The following THSD4 variants were observed in gnomAD, a reference collection of about 807,000 sequenced individuals.
THSD4 encodes thrombospondin type 1 domain containing 4.
In THSD4, 69 loss-of-function variants were observed where a neutral mutation model predicts 119.0. That is an observed-to-expected ratio of 0.58 (90% CI 0.48 to 0.71). THSD4 has a LOEUF of 0.71. Among genes scored for constraint, THSD4 ranks in the 30% least tolerant of loss-of-function variants. THSD4 has a pLI of 0.00. For synonymous variants in THSD4, 524 were observed against 540.4 expected (o/e 0.97, Z 0.42); for missense variants, 1,393 against 1,391.1 (o/e 1.00, Z -0.02).
chr15:71,262,592 G>T (rs1189701433), intron 6 of THSD4, among the ~76,000 whole-genome samples: 1 of 151,970 alleles, frequency 6.6e-6, no homozygotes, highest in East Asian at 1.9e-4. Flanking sequence ...AACTGCTAGG[G>T]GGCAGCTTTA....
intron 7 of THSD4, among the ~76,000 whole-genome samples, chr15:71,500,656 T>C (rs751020362): frequency 2.0e-5 from 3 of 152,236 alleles, no homozygotes; most frequent in Non-Finnish European, 4.4e-5. Context: ...TTTTTGTACA[T>C]AGTGTAAGGT....
chr15:71,512,179 C>T (rs752699600), intron 7 of THSD4, among the ~76,000 whole-genome samples: 1 of 152,080 alleles, frequency 6.6e-6, no homozygotes, highest in Admixed American at 6.6e-5. Context: ...GTGGAGGTTC[C>T]GATGATGTCT....
At chr15:71,366,143 G>A (rs1208093638) in intron 6 of THSD4, among the ~76,000 whole-genome samples, 2 of 151,954 alleles carry the variant, frequency 1.3e-5, no homozygotes, top group East Asian at 1.9e-4. Flanking sequence ...GCGTGATCTC[G>A]GCTCACTGCA....
chr15:71,649,256 A>C (rs1447167527), intron 7 of THSD4, among the ~76,000 whole-genome samples: 1 of 151,352 alleles, frequency 6.6e-6, no homozygotes, highest in Non-Finnish European at 1.5e-5. Flanking sequence ...ATTTAGCCAG[A>C]TCTCAGGGCT....
Position 71,757,955 on chromosome 15 carries a change from C to T in THSD4, c.2469C>T (p.Thr823=). 1 of 1,613,966 alleles carries T rather than the reference C, an allele frequency of 6.2e-7. No individual in the cohort carries two copies. Among genetic ancestry groups the T allele is most frequent in the Non-Finnish European group, 8.5e-7 (1 of 1,180,020 alleles). ...GVRTRSVVCM[T]NHVSSLPLEG... is the part of the protein sequence containing the mutation. ...GGACACGCTCGGTGGTGTGCATGAC[C>T]AACCATGTCAGCAGCCTGCCCCTGG... The change falls in exon 15 of 18, where the codon ACC becomes ACT. Residue 823 remains threonine, a synonymous_variant. Coordinates refer to ENST00000261862, the MANE Select transcript of THSD4 (RefSeq NM_024817.3).
intron 6 of THSD4, among the ~76,000 whole-genome samples, chr15:71,388,084 A>G (rs991805499): frequency 2.6e-5 from 4 of 152,266 alleles, no homozygotes; most frequent in Admixed American, 2.0e-4. Context: ...CACTCAGGAT[A>G]TCACACTTTC....
At position 71,688,993 on chromosome 15, in the gene THSD4, C is replaced by T. The variant is rs575849017; in HGVS notation, c.1357+28259C>T. Reference sequence around the variant, plus strand: ...CCATCCCGGCCCATGAGATAAAGCTCAGGAACGCCTTTTGTCCATCTTTGG... The same window carrying T: ...CCATCCCGGCCCATGAGATAAAGCTTAGGAACGCCTTTTGTCCATCTTTGG... On this transcript the variant is annotated intron_variant, in intron 8 of 17. Coordinates refer to ENST00000261862, the MANE Select transcript of THSD4 (RefSeq NM_024817.3). 2.6e-5 allele frequency among the ~76,000 whole-genome samples: 4 copies of T among 152,154 alleles called. No homozygotes were observed. The South Asian group carries it at 6.2e-4, about 24-fold the overall frequency.
At chr15:71,385,544 C>A (rs2046284521) in intron 6 of THSD4, among the ~76,000 whole-genome samples, 1 of 149,970 alleles carries the variant, frequency 6.7e-6, no homozygotes, top group Non-Finnish European at 1.5e-5. Context: ...ACAGAAGTGA[C>A]TTATAGAAAC....
chr15:71,329,232 A>G (rs2140370863), intron 6 of THSD4, among the ~76,000 whole-genome samples: 1 of 152,250 alleles, frequency 6.6e-6, no homozygotes, highest in South Asian at 2.1e-4. Context: ...TTATGGGAGG[A>G]AAAACAAGGA....
intron 6 of THSD4, among the ~76,000 whole-genome samples, chr15:71,287,832 A>G (rs1391611003): frequency 6.6e-6 from 1 of 152,216 alleles, no homozygotes; most frequent in East Asian, 1.9e-4. Flanking sequence ...TTGGATTGAT[A>G]AACCATGTTC....
intron 6 of THSD4, among the ~76,000 whole-genome samples, chr15:71,367,595 C>T (rs372638361): frequency 1.6e-3 from 245 of 152,284 alleles, no homozygotes; most frequent in Middle Eastern, 0.01. Flanking sequence ...CATCCATGTC[C>T]CTACAAAGGA....
chr15:71,520,015 T>A (rs950716339), intron 7 of THSD4, among the ~76,000 whole-genome samples: 2 of 152,176 alleles, frequency 1.3e-5, no homozygotes, highest in African/African-American at 4.8e-5. Context: ...GAACATGTAC[T>A]GTCTGTCTAG....
chr15:71,372,422 G>T (rs1466581367), intron 6 of THSD4, among the ~76,000 whole-genome samples: 1 of 152,140 alleles, frequency 6.6e-6, no homozygotes, highest in East Asian at 1.9e-4. Flanking sequence ...ATCTACTTTT[G>T]GTCTTTGATG....
At chr15:71,763,796 G>A (rs1195571746) in intron 15 of THSD4, among the ~76,000 whole-genome samples, 1 of 152,090 alleles carries the variant, frequency 6.6e-6, no homozygotes, top group Non-Finnish European at 1.5e-5. Context: ...CTGGCATGGT[G>A]GCTCATGCCT....
chr15:71,723,969 T>C (rs2052771239), intron 8 of THSD4, among the ~76,000 whole-genome samples: 1 of 151,002 alleles, frequency 6.6e-6, no homozygotes, highest in Admixed American at 6.6e-5. Context: ...GGTGGGAACA[T>C]TGCTTGAGCC....
intron 7 of THSD4, among the ~76,000 whole-genome samples, chr15:71,571,178 A>G (rs76979012): frequency 0.25 from 38,704 of 151,828 alleles, 5,674 homozygotes; most frequent in Non-Finnish European, 0.33. Context: ...GGAAAGCACC[A>G]GAAGTTGGAA....
rs1378195721 is a variant in THSD4, at chr15:71,777,467, CT to C, written c.*94del. 3.7e-5 allele frequency: 55 copies of C among 1,494,076 alleles called. No homozygotes were observed. The highest frequency in any genetic ancestry group is 4.9e-5 in the East Asian group (2 of 40,584). 92.6% of individuals were successfully genotyped at this position (1,494,076 alleles called of 1,614,324 possible). ...TGGCTGCTGCTCCACCACGGGCCCC[CT>C]GGCCCAGGCGCTGCCAACCAACTTA... On this transcript the variant is annotated 3_prime_UTR_variant, in exon 18 of 18. Transcript: ENST00000261862.
At chr15:71,191,092 T>C (rs920940660) in intron 3 of THSD4, among the ~76,000 whole-genome samples, 2 of 152,180 alleles carry the variant, frequency 1.3e-5, no homozygotes, top group Admixed American at 1.3e-4. Context: ...CTGCTTCCTC[T>C]CCATTCCTTC....
chr15:71,313,762 C>A (rs1464503541), intron 6 of THSD4, among the ~76,000 whole-genome samples: 1 of 152,150 alleles, frequency 6.6e-6, no homozygotes, highest in African/African-American at 2.4e-5. Context: ...GACCTCCTAG[C>A]TGTGTCTCGC....
Sources: gnomAD v4.1 joint callset for allele counts (sites outside exome capture counted in the v4.1 genomes callset) on GRCh38, gnomAD v4.1.1 for gene constraint, MANE v1.5 for transcripts, NCBI Gene and HGNC (gene_info 2026-07-23, HGNC 2026-07-21) for gene names.